The following EXOC6B variants were observed in gnomAD, a reference collection of about 807,000 sequenced individuals.
The protein encoded by EXOC6B is exocyst complex component 6B.
EXOC6B carries 54 observed loss-of-function variants against 113.5 expected under a neutral mutation model. The ratio of observed to expected loss-of-function variants is 0.48; its 90% CI spans 0.38 to 0.60. EXOC6B has a LOEUF of 0.60. EXOC6B is among the 20% of genes least tolerant of loss of function. EXOC6B has a pLI of 0.00. For missense variants in EXOC6B, 797 were observed against 977.5 expected (o/e 0.82, Z 2.46); for synonymous variants, 357 against 339.0 (o/e 1.05, Z -0.58).
chr2:72,650,880 TAA>T (rs60060107), intron 6 of EXOC6B, among the ~76,000 whole-genome samples: 2 of 133,786 alleles, frequency 1.5e-5, no homozygotes, highest in African/African-American at 2.7e-5. Context: ...TGGCAGTTTC[TAA>T]AAAAAAAAAA....
chr2:72,532,017 G>T (rs1398440167), intron 8 of EXOC6B, among the ~76,000 whole-genome samples: 1 of 152,028 alleles, frequency 6.6e-6, no homozygotes, highest in Non-Finnish European at 1.5e-5. Context: ...AAAAAAGAAT[G>T]CCATAGCAGC....
chr2:72,241,820 G>A (rs1682327537), intron 20 of EXOC6B, among the ~76,000 whole-genome samples: 1 of 152,156 alleles, frequency 6.6e-6, no homozygotes, highest in Non-Finnish European at 1.5e-5. Flanking sequence ...CAAATATTGA[G>A]GAAATTTGTG....
intron 6 of EXOC6B, among the ~76,000 whole-genome samples, chr2:72,638,315 A>G (rs980318217): frequency 2.0e-5 from 3 of 152,180 alleles, no homozygotes; most frequent in African/African-American, 4.8e-5. Flanking sequence ...GAAGAAATCT[A>G]AAACCTGAAC....
chr2:72,220,861 T>G (rs566444549), intron 20 of EXOC6B, among the ~76,000 whole-genome samples: 1 of 152,178 alleles, frequency 6.6e-6, no homozygotes, highest in Non-Finnish European at 1.5e-5. Context: ...GTATAATAGG[T>G]GTACATAGTT....
chr2:72,768,127 AAAAAAAAAAAAG>A (rs1683202668), intron 1 of EXOC6B, among the ~76,000 whole-genome samples: 1 of 150,748 alleles, frequency 6.6e-6, no homozygotes, highest in African/African-American at 2.4e-5. Context: ...CCGTTAAAAA[AAAAAAAAAAAAG>A]AAAGAAAGAA....
At chr2:72,487,272 G>T (rs13001810) in intron 16 of EXOC6B, among the ~76,000 whole-genome samples, 1,786 of 152,176 alleles carry the variant, frequency 0.012, 12 homozygotes, top group Non-Finnish European at 0.018. Flanking sequence ...ACATTTAGTT[G>T]TCACGTCTTC....
intron 20 of EXOC6B, among the ~76,000 whole-genome samples, chr2:72,330,075 G>T (rs1688342355): frequency 6.6e-6 from 1 of 152,004 alleles, no homozygotes; most frequent in South Asian, 2.1e-4. Flanking sequence ...TCACAACCTA[G>T]TTCATTCAGC....
At chr2:72,244,819 G>A (rs1413404395) in intron 20 of EXOC6B, among the ~76,000 whole-genome samples, 1 of 151,898 alleles carries the variant, frequency 6.6e-6, no homozygotes, top group Non-Finnish European at 1.5e-5. Flanking sequence ...AATATATAAA[G>A]GTCAATAGCT....
chr2:72,694,461 T>C (rs992074911), intron 6 of EXOC6B, among the ~76,000 whole-genome samples: 4 of 151,894 alleles, frequency 2.6e-5, no homozygotes, highest in African/African-American at 9.7e-5. Flanking sequence ...AAAAATAAAA[T>C]AAAAGAGTGA....
chr2:72,264,089 C>A (rs1381568904), intron 20 of EXOC6B, among the ~76,000 whole-genome samples: 1 of 152,078 alleles, frequency 6.6e-6, no homozygotes, highest in Non-Finnish European at 1.5e-5. Context: ...GATAATGAAC[C>A]AATACAGAGC....
chr2:72,500,707 A>G (rs1374864557), intron 11 of EXOC6B, among the ~76,000 whole-genome samples: 1 of 152,222 alleles, frequency 6.6e-6, no homozygotes, highest in Non-Finnish European at 1.5e-5. Context: ...ACTGACATGG[A>G]AAATAATTTC....
chr2:72,338,216 G>A (rs1039099646), intron 19 of EXOC6B, among the ~76,000 whole-genome samples: 1 of 152,100 alleles, frequency 6.6e-6, no homozygotes, highest in Admixed American at 6.6e-5. Context: ...TCCTTACAGT[G>A]CTGCTATGAG....
At chr2:72,811,995 A>C (rs760278536) in intron 1 of EXOC6B, among the ~76,000 whole-genome samples, 6 of 152,210 alleles carry the variant, frequency 3.9e-5, no homozygotes, top group Admixed American at 6.5e-5. Flanking sequence ...AAAAAGGCAA[A>C]GATATCCACT....
chr2:72,221,817 T>C (rs1680883778), intron 20 of EXOC6B, among the ~76,000 whole-genome samples: 1 of 152,240 alleles, frequency 6.6e-6, no homozygotes, highest in Non-Finnish European at 1.5e-5. Flanking sequence ...GCTCAGGGTT[T>C]GGGCCCAGAA....
chr2:72,569,542 T>G (rs1223936003), intron 7 of EXOC6B, among the ~76,000 whole-genome samples: 2 of 152,158 alleles, frequency 1.3e-5, no homozygotes, highest in Non-Finnish European at 2.9e-5. Flanking sequence ...TGAATCTAAT[T>G]GACCTGCAGA....
At chr2:72,672,201 CAAA>C (rs61678584) in intron 6 of EXOC6B, among the ~76,000 whole-genome samples, 10 of 105,782 alleles carry the variant, frequency 9.5e-5, no homozygotes, top group Non-Finnish European at 9.9e-5. Flanking sequence ...GGTATATATC[CAAA>C]AAAAAAAAAA....
chr2:72,580,302 C>T (rs1385296541), intron 6 of EXOC6B, among the ~76,000 whole-genome samples: 1 of 151,682 alleles, frequency 6.6e-6, no homozygotes, highest in Non-Finnish European at 1.5e-5. Context: ...CCACCATGCT[C>T]GGCTCTGTTT....
At chr2:72,591,342 A>C (rs1705945272) in intron 6 of EXOC6B, among the ~76,000 whole-genome samples, 1 of 152,126 alleles carries the variant, frequency 6.6e-6, no homozygotes, top group Non-Finnish European at 1.5e-5. Context: ...TCAGGTTCAG[A>C]ATAGTTACTG....
At chr2:72,716,870 A>G (rs892145893) in intron 6 of EXOC6B, among the ~76,000 whole-genome samples, 2 of 152,168 alleles carry the variant, frequency 1.3e-5, no homozygotes, top group African/African-American at 4.8e-5. Context: ...AATTTTTAAA[A>G]AGGCAACTTC....
Sources: allele counts gnomAD v4.1 joint callset (sites outside exome capture counted in the v4.1 genomes callset), GRCh38; gene constraint gnomAD v4.1.1; transcripts MANE v1.5; gene names NCBI Gene and HGNC (gene_info 2026-07-23, HGNC 2026-07-21).